Variants in B3GALT1 observed in about 807,000 individuals in gnomAD.
B3GALT1 encodes the protein UDP-Gal:betaGlcNAc beta 1,3-galactosyltransferase, polypeptide 1.
A neutral mutation model predicts 23.2 loss-of-function variants in B3GALT1; 10 were observed. The ratio of observed to expected loss-of-function variants is 0.43; its 90% confidence interval spans 0.27 to 0.73. The LOEUF (loss-of-function observed/expected upper bound fraction) is 0.73. Ranked by LOEUF, B3GALT1 falls within the 30% of genes least tolerant of loss-of-function variation. The pLI, the probability that B3GALT1 is intolerant of heterozygous loss-of-function variation, is 0.21. For synonymous variants in B3GALT1, 156 were observed against 141.5 expected, an observed-to-expected ratio of 1.10 and a Z score of -0.73; for missense variants, 299 against 405.4, an observed-to-expected ratio of 0.74 and a Z score of 2.25.
intron 2 of B3GALT1, among the ~76,000 whole-genome samples, chr2:167,507,820 G>A (rs1699944025): frequency 6.6e-6 from 1 of 152,064 alleles, no homozygotes; most frequent in African/African-American, 2.4e-5. Flanking sequence ...AATCATAATT[G>A]TCTTACTAAT....
intron 3 of B3GALT1, among the ~76,000 whole-genome samples, chr2:167,745,543 T>G (rs768158199): frequency 6.6e-6 from 1 of 152,206 alleles, no homozygotes; most frequent in Non-Finnish European, 1.5e-5. Context: ...TTTATCCTCA[T>G]TCTTAAAAGA....
intron 2 of B3GALT1, among the ~76,000 whole-genome samples, chr2:167,624,957 C>G (rs1685315077): frequency 1.3e-5 from 2 of 151,862 alleles, no homozygotes. Context: ...TTCTATCAGC[C>G]TAAAGTATTT....
intron 1 of B3GALT1, among the ~76,000 whole-genome samples, chr2:167,381,813 C>A (rs1697851168): frequency 6.6e-6 from 1 of 152,178 alleles, no homozygotes; most frequent in South Asian, 2.1e-4. Context: ...AATAAAAAGT[C>A]TTTGTGGTGT....
chr2:167,484,164 A>C (rs529478246), intron 1 of B3GALT1, among the ~76,000 whole-genome samples: 2 of 152,308 alleles, frequency 1.3e-5, no homozygotes, highest in East Asian at 3.9e-4. Flanking sequence ...TTTTCGCCTA[A>C]GGATAGATAA....
chr2:167,447,287 C>T (rs1411565943), intron 1 of B3GALT1, among the ~76,000 whole-genome samples: 2 of 152,164 alleles, frequency 1.3e-5, no homozygotes, highest in Non-Finnish European at 2.9e-5. Flanking sequence ...GGGGTGCCTC[C>T]CAGTTAGGCT....
chr2:167,642,647 C>T (rs868728697), intron 2 of B3GALT1, among the ~76,000 whole-genome samples: 1 of 152,266 alleles, frequency 6.6e-6, no homozygotes, highest in Middle Eastern at 3.4e-3. Context: ...CACTTCATCT[C>T]TCTATACTCA....
intron 3 of B3GALT1, among the ~76,000 whole-genome samples, chr2:167,679,212 G>A (rs555058161): frequency 3.7e-4 from 56 of 151,698 alleles, no homozygotes; most frequent in South Asian, 1.3e-3. Flanking sequence ...TCCGCCTCCC[G>A]GGTTCAAGCA....
intron 1 of B3GALT1, among the ~76,000 whole-genome samples, chr2:167,384,984 A>G (rs1416920717): frequency 6.6e-6 from 1 of 151,838 alleles, no homozygotes; most frequent in East Asian, 1.9e-4. Flanking sequence ...CACCACCACC[A>G]CAGTAGCAGC....
At chr2:167,318,799 C>T (rs1696758981) in intron 1 of B3GALT1, among the ~76,000 whole-genome samples, 1 of 152,020 alleles carries the variant, frequency 6.6e-6, no homozygotes, top group African/African-American at 2.4e-5. Context: ...CTGCTGTGGC[C>T]TATAGACTCC....
At chr2:167,447,116 C>T (rs1159210295) in intron 1 of B3GALT1, among the ~76,000 whole-genome samples, 1 of 152,192 alleles carries the variant, frequency 6.6e-6, no homozygotes, top group Non-Finnish European at 1.5e-5. Context: ...TTGGAGTTTG[C>T]TGGAGGTCCA....
At chr2:167,866,561 A>G (rs924217702) in intron 4 of B3GALT1, among the ~76,000 whole-genome samples, 1 of 152,216 alleles carries the variant, frequency 6.6e-6, no homozygotes, top group African/African-American at 2.4e-5. Flanking sequence ...AACCATAGAG[A>G]TAGAGGATAA....
At chr2:167,503,193 T>G (rs1699871515) in intron 2 of B3GALT1, among the ~76,000 whole-genome samples, 1 of 152,198 alleles carries the variant, frequency 6.6e-6, no homozygotes, top group Non-Finnish European at 1.5e-5. Flanking sequence ...ATCTTAAATT[T>G]TCCCTTCATT....
chr2:167,364,856 G>A (rs1383408582), intron 1 of B3GALT1, among the ~76,000 whole-genome samples: 3 of 151,988 alleles, frequency 2.0e-5, no homozygotes, highest in African/African-American at 4.8e-5. Flanking sequence ...AGACTATGTA[G>A]AATCAAAATA....
intron 2 of B3GALT1, among the ~76,000 whole-genome samples, chr2:167,535,919 T>TTTTG (rs951207047): frequency 3.9e-5 from 6 of 152,004 alleles, no homozygotes; most frequent in Non-Finnish European, 8.8e-5. Context: ...GCAATTAGAT[T>TTTTG]TTTGTTTGTT....
At chr2:167,362,774 A>T (rs1008299398) in intron 1 of B3GALT1, among the ~76,000 whole-genome samples, 2 of 152,132 alleles carry the variant, frequency 1.3e-5, no homozygotes, top group Admixed American at 6.6e-5. Context: ...AAAGTTCTAA[A>T]TTTTTCTTAA....
chr2:167,388,818 C>T (rs546004631), intron 1 of B3GALT1, among the ~76,000 whole-genome samples: 2 of 152,228 alleles, frequency 1.3e-5, no homozygotes, highest in South Asian at 4.1e-4. Context: ...AACTTCTGTA[C>T]TATAATAAGA....
intron 1 of B3GALT1, among the ~76,000 whole-genome samples, chr2:167,341,482 C>G (rs192872310): frequency 9.2e-4 from 140 of 152,124 alleles, no homozygotes; most frequent in African/African-American, 3.3e-3. Context: ...GCCAATGTGG[C>G]GAAACCCTGT....
intron 4 of B3GALT1, among the ~76,000 whole-genome samples, chr2:167,858,122 T>C (rs1339901944): frequency 6.6e-6 from 1 of 152,174 alleles, no homozygotes; most frequent in Non-Finnish European, 1.5e-5. Context: ...ATTTTTAATA[T>C]CCTAAAGTTA....
chr2:167,411,955 G>A (rs148779037), intron 1 of B3GALT1, among the ~76,000 whole-genome samples: 35 of 152,256 alleles, frequency 2.3e-4, no homozygotes, highest in African/African-American at 7.7e-4. Context: ...ATTAGGTACA[G>A]AAAGACAAAT....
Sources: gnomAD v4.1 joint callset for allele counts (sites outside exome capture counted in the v4.1 genomes callset) on GRCh38, gnomAD v4.1.1 for gene constraint, MANE v1.5 for transcripts, NCBI Gene and HGNC (gene_info 2026-07-23, HGNC 2026-07-21) for gene names.